Variants in LRP2 observed in about 807,000 individuals in gnomAD.
The protein encoded by LRP2 is low-density lipoprotein receptor-related protein 2.
Under a neutral mutation model 531.0 loss-of-function variants are expected in LRP2, and 172 were observed. The ratio of observed to expected loss-of-function variants is 0.32; its 90% CI spans 0.29 to 0.37. The LOEUF (loss-of-function observed/expected upper bound fraction) is 0.37, where lower values mean the gene tolerates loss of function less well. LRP2 is among the 10% of genes least tolerant of loss of function. The pLI is 1.00. For missense variants in LRP2, 5,167 were observed against 5,868.3 expected, an observed-to-expected ratio of 0.88 and a Z score of 3.90; for synonymous variants, 1,992 against 2,027.6, an observed-to-expected ratio of 0.98 and a Z score of 0.47.
At chr2:169,267,643 G>A (rs989747721) in intron 16 of LRP2, among the ~76,000 whole-genome samples, 1 of 152,024 alleles carries the variant, frequency 6.6e-6, no homozygotes, top group African/African-American at 2.4e-5. Context: ...AATGCCCACA[G>A]GAGAAAGCAG....
chr2:169,212,118 C>T lies in LRP2; in HGVS notation c.6130G>A (p.Ala2044Thr), dbSNP rs142266106. 1.4e-4 allele frequency: 220 copies of T among 1,613,952 alleles called. No homozygotes were observed. Among genetic ancestry groups the T allele is most frequent in the African/African-American group, 1.7e-4 (13 of 74,994 alleles). The change falls in exon 37 of 79, where the codon GCC becomes ACC. Residue 2044 changes from alanine to threonine, a missense_variant. Transcript: ENST00000649046. ...LPVPGGLFSC[A>T]CATGFKLNPD... ...TTGAGTTTAAATCCAGTGGCACAGG[C>T]GCAGGAAAACAATCCTCCTGGTACA... is the stretch of plus-strand genomic sequence containing the variant.
chr2:169,282,099 G>A (rs1224152142), intron 10 of LRP2, among the ~76,000 whole-genome samples: 1 of 152,026 alleles, frequency 6.6e-6, no homozygotes, highest in Non-Finnish European at 1.5e-5. Flanking sequence ...TTAAAAATCC[G>A]CTGAACCTAA....
At chr2:169,158,604 A>C (rs562206467) in intron 63 of LRP2, among the ~76,000 whole-genome samples, 1 of 152,088 alleles carries the variant, frequency 6.6e-6, no homozygotes, top group African/African-American at 2.4e-5. Context: ...TGTGATTATT[A>C]AAATTTATAG....
Position 169,152,930 on chromosome 2 carries a change from A to T in LRP2, c.12330T>A (p.Ser4110=), listed in dbSNP as rs751512062. Residue 4110 remains serine (S), a synonymous_variant, in exon 67 of 79, where the codon TCT becomes TCA. Transcript: ENST00000649046. ...AGGCACGTTTGATAGCACCAAACCT[A>T]GAGCCCTCCCCTCGCACAGTGTAAT... ...VVYYTVRGEG[S]RFGAIKRAYI... 3.1e-6 allele frequency: 5 copies of T among 1,613,958 alleles called. No individual in the cohort carries two copies. The East Asian group carries it at 1.1e-4, about 36-fold the overall frequency.
chr2:169,336,761 C>G (rs189808099), intron 1 of LRP2, among the ~76,000 whole-genome samples: 1 of 152,292 alleles, frequency 6.6e-6, no homozygotes, highest in Admixed American at 6.5e-5. Context: ...CAGAATAACA[C>G]TTGTCAGGAA....
chr2:169,206,945 C>T lies in LRP2; in HGVS notation c.6775G>A (p.Ala2259Thr), dbSNP rs1400702409. The T allele has an allele frequency of 1.2e-6, 2 of 1,614,070 alleles. No individual in the cohort carries two copies. The highest frequency in any genetic ancestry group is 3.3e-5 in the Admixed American group (2 of 59,998). Residue 2259 changes from alanine (A) to threonine (T), a missense_variant, in exon 39 of 79, where the codon GCA becomes ACA. Around this residue, in one of 6 missense-constraint regions of LRP2, gnomAD observed 2,811 missense variants for 3,058.0 expected, o/e 0.92. Transcript: ENST00000649046. The stretch of plus-strand genomic sequence containing the variant: ...TTCTCTCCATTGATACGAATCCTTG[C>T]AATTATATCTAAAGAATCATCAACC... Reference protein sequence around the residue: ...YWVDDSLDIIARIRINGENSE... With the variant: ...YWVDDSLDIITRIRINGENSE...
At chr2:169,320,959 A>ATTATTC in intron 1 of LRP2, 75 bp from the exon 2 acceptor site, 1 of 1,073,588 alleles carries the variant, frequency 9.3e-7, no homozygotes, top group Non-Finnish European at 1.4e-6. Flanking sequence ...ATTTTTGATA[A>ATTATTC]AATGAAAAAT....
intron 3 of LRP2, among the ~76,000 whole-genome samples, chr2:169,308,888 T>A (rs938660951): frequency 4.6e-5 from 7 of 152,110 alleles, no homozygotes; most frequent in Admixed American, 1.3e-4. Flanking sequence ...GCACCTGTTG[T>A]TTCTTGACTT....
chr2:169,137,583 A>T, intron 75 of LRP2, 90 bp from the exon 76 acceptor site: 1 of 741,576 alleles, frequency 1.3e-6, no homozygotes, highest in East Asian at 3.2e-5. Context: ...ACACAAAGAA[A>T]GGTGCCTTCC....
Position 169,193,761 on chromosome 2 carries a change from G to C in LRP2, c.8830C>G (p.Gln2944Glu), listed in dbSNP as rs956340396. 1 of 1,614,062 alleles carries C rather than the reference G, an allele frequency of 6.2e-7. No homozygotes were observed. The highest frequency in any genetic ancestry group is 1.1e-5 in the South Asian group (1 of 91,070). Residue 2944 changes from glutamine (Q) to glutamate (E), a missense_variant and splice_region_variant, in exon 47 of 79, where the codon CAG becomes GAG. Physicochemically the swap from Gln to Glu is conservative, Grantham distance 29. Coordinates refer to ENST00000649046, the MANE Select transcript of LRP2 (RefSeq NM_004525.3). ...AGAGGAATTAATTGGCTTCACTTAC[G>C]ACACTGGTGCCTTTTATCCTCGTCA... is the stretch of plus-strand genomic sequence containing the variant. ...MSDEDKRHQC[Q>E]NQNCSDSEFL...
chr2:169,137,551 A>AGTATGGTGTAATCTCTCT, intron 75 of LRP2, 58 bp from the exon 76 acceptor site: 1 of 1,087,918 alleles, frequency 9.2e-7, no homozygotes, highest in Non-Finnish European at 1.4e-6. Flanking sequence ...GAGAGAGATT[A>AGTATGGTGTAATCTCTCT]CACCATACTA....
At chr2:169,326,486 G>A (rs1270146040) in intron 1 of LRP2, among the ~76,000 whole-genome samples, 4 of 151,610 alleles carry the variant, frequency 2.6e-5, no homozygotes, top group Admixed American at 6.6e-5. Flanking sequence ...CCGAGGTGCC[G>A]GGATTGCAGA....
chr2:169,300,573 G>A (rs1345860687), intron 4 of LRP2, among the ~76,000 whole-genome samples: 1 of 152,096 alleles, frequency 6.6e-6, no homozygotes, highest in Non-Finnish European at 1.5e-5. Context: ...CAGAGTAATT[G>A]GCAACAGCTA....
At chr2:169,133,956 C>A (rs150914001) in intron 76 of LRP2, among the ~76,000 whole-genome samples, 21,310 of 152,096 alleles carry the variant, frequency 0.14, 2,242 homozygotes, top group African/African-American at 0.3. Context: ...AAATTTCATC[C>A]TCATCTGTTA....
chr2:169,211,810 A>C (rs1688603719), intron 37 of LRP2, among the ~76,000 whole-genome samples, 158 bp downstream of exon 37: 1 of 152,220 alleles, frequency 6.6e-6, no homozygotes, highest in Non-Finnish European at 1.5e-5. Flanking sequence ...GACACACTAA[A>C]GTTTGAAAAA....
chr2:169,174,173 A>G lies in LRP2; in HGVS notation c.10769-9T>C. On this transcript the variant is annotated splice_polypyrimidine_tract_variant and intron_variant, in intron 55 of 78. Transcript: ENST00000649046. ...GTCACAGTGGTGATTCTCTGAGAGC[A>G]GGGACATTTGGTTATCAGCTTGGAA... 5.0e-6 allele frequency: 8 copies of G among 1,614,224 alleles called. No individual in the cohort carries two copies. Among genetic ancestry groups the G allele is most frequent in the Non-Finnish European group, 6.8e-6 (8 of 1,180,036 alleles).
At chr2:169,142,434 G>C (rs1448823234) in intron 71 of LRP2, among the ~76,000 whole-genome samples, 1 of 152,054 alleles carries the variant, frequency 6.6e-6, no homozygotes, top group Non-Finnish European at 1.5e-5. Context: ...ATAGATTTAG[G>C]GACACTGGAT....
Position 169,271,059 on chromosome 2 carries a change from A to T in LRP2, c.2165T>A (p.Ile722Asn). The change falls in exon 16 of 79, where the codon ATC (isoleucine) becomes AAC (asparagine). Residue 722 changes from isoleucine (I) to asparagine (N), a missense_variant. Coordinates refer to ENST00000649046, the MANE Select transcript of LRP2 (RefSeq NM_004525.3). ...TTCCTGGGTAGACAAGGTGAACGGGATCCCACGAATAGCAACTTGGGATGA... is the reference window on the plus strand; with the variant it reads ...TTCCTGGGTAGACAAGGTGAACGGGTTCCCACGAATAGCAACTTGGGATGA... ...IFSSQVAIRG[I>N]PFTLSTQEDV... 1 of 1,613,262 alleles carries T rather than the reference A, an allele frequency of 6.2e-7. No homozygotes were observed. Among genetic ancestry groups the T allele is most frequent in the Non-Finnish European group, 8.5e-7 (1 of 1,179,474 alleles).
chr2:169,297,617 T>C (rs1365939841), intron 4 of LRP2, among the ~76,000 whole-genome samples: 3 of 152,170 alleles, frequency 2.0e-5, no homozygotes, highest in Non-Finnish European at 2.9e-5. Flanking sequence ...TCAGATTTGT[T>C]CCCCCATAAT....
Sources: allele counts gnomAD v4.1 joint callset (sites outside exome capture counted in the v4.1 genomes callset), GRCh38; gene constraint gnomAD v4.1.1; regional missense constraint gnomAD v4.1.1; transcripts MANE v1.5; gene names NCBI Gene and HGNC (gene_info 2026-07-23, HGNC 2026-07-21).